KHDRBS2: variants seen among roughly 807,000 people sequenced by gnomAD.
KHDRBS2 encodes KH domain-containing, RNA-binding, signal transduction-associated protein 2.
Under a neutral mutation model 44.3 loss-of-function variants are expected in KHDRBS2, and 26 were observed. The observed-to-expected ratio is 0.59, with a 90% confidence interval of 0.43 to 0.81. KHDRBS2 has a LOEUF of 0.81. KHDRBS2 is among the 40% of genes least tolerant of loss of function. The probability of loss-of-function intolerance (pLI) is 0.00; values close to 1 mark genes in which losing one functional copy is unlikely to be tolerated. For synonymous variants in KHDRBS2, 194 were observed against 151.1 expected (o/e 1.28, Z -2.08); for missense variants, 476 against 433.1 (o/e 1.10, Z -0.88).
chr6:62,281,275 G>A (rs1406300829), intron 1 of KHDRBS2, among the ~76,000 whole-genome samples: 1 of 152,076 alleles, frequency 6.6e-6, no homozygotes, highest in African/African-American at 2.4e-5. Context: ...TCAAATTGAG[G>A]TGCATCATCA....
intron 7 of KHDRBS2, among the ~76,000 whole-genome samples, chr6:61,704,970 T>C (rs1450901602): frequency 1.3e-5 from 2 of 151,892 alleles, no homozygotes; most frequent in Non-Finnish European, 2.9e-5. Context: ...TCTCAGGTCA[T>C]TAGATGCTAC....
the KHDRBS2 span, among the ~76,000 whole-genome samples, chr6:61,579,149 C>T: frequency 6.6e-6 from 1 of 152,092 alleles, no homozygotes; most frequent in Non-Finnish European, 1.5e-5. Context: ...ATAGAAACCT[C>T]CCTCCTTTGC....
chr6:61,559,584 T>C, the KHDRBS2 span, among the ~76,000 whole-genome samples: 1 of 152,198 alleles, frequency 6.6e-6, no homozygotes, highest in Non-Finnish European at 1.5e-5. Context: ...ATTGGATGTT[T>C]TTTCATTTGA....
chr6:62,117,988 C>A (rs1806683455), intron 2 of KHDRBS2, among the ~76,000 whole-genome samples: 1 of 152,132 alleles, frequency 6.6e-6, no homozygotes, highest in Non-Finnish European at 1.5e-5. Context: ...GTTGGCCACG[C>A]TGGTCTTGAA....
chr6:62,210,221 C>T (rs1828786964), intron 1 of KHDRBS2, among the ~76,000 whole-genome samples: 1 of 151,920 alleles, frequency 6.6e-6, no homozygotes, highest in Non-Finnish European at 1.5e-5. Flanking sequence ...AGAAGATGTT[C>T]CTCAGAACTC....
chr6:62,136,636 AAC>A (rs1485537774), intron 2 of KHDRBS2, among the ~76,000 whole-genome samples: 1 of 152,220 alleles, frequency 6.6e-6, no homozygotes, highest in East Asian at 1.9e-4. Flanking sequence ...CTATGAAAAT[AAC>A]ACAAGAAAAT....
chr6:62,221,078 C>A (rs1830817344), intron 1 of KHDRBS2, among the ~76,000 whole-genome samples: 2 of 149,990 alleles, frequency 1.3e-5, no homozygotes, highest in Admixed American at 6.7e-5. Flanking sequence ...TCCACTGACA[C>A]ATAAAGGAAC....
intron 3 of KHDRBS2, among the ~76,000 whole-genome samples, chr6:62,014,779 C>T (rs1236928426): frequency 6.6e-6 from 1 of 152,048 alleles, no homozygotes; most frequent in South Asian, 2.1e-4. Context: ...TCATACAGCA[C>T]ATGAAATATT....
At chr6:62,187,529 T>A (rs929771194) in intron 1 of KHDRBS2, among the ~76,000 whole-genome samples, 2 of 152,156 alleles carry the variant, frequency 1.3e-5, no homozygotes, top group East Asian at 3.9e-4. Flanking sequence ...GTTTTACTAA[T>A]GTAAGTTTAT....
intron 1 of KHDRBS2, among the ~76,000 whole-genome samples, chr6:62,244,297 A>C (rs2150169829): frequency 6.6e-6 from 1 of 152,282 alleles, no homozygotes; most frequent in South Asian, 2.1e-4. Flanking sequence ...AAATATCATA[A>C]GTTCCATGAA....
chr6:61,880,426 C>T (rs1450069048), intron 6 of KHDRBS2, among the ~76,000 whole-genome samples: 1 of 151,790 alleles, frequency 6.6e-6, no homozygotes, highest in Non-Finnish European at 1.5e-5. Context: ...ATGAAACAAT[C>T]ATATTCTGTT....
chr6:61,935,720 G>A (rs1244256805), intron 4 of KHDRBS2, among the ~76,000 whole-genome samples: 1 of 152,068 alleles, frequency 6.6e-6, no homozygotes, highest in African/African-American at 2.4e-5. Flanking sequence ...AGACAATTTA[G>A]TGCAATCTAC....
At chr6:62,262,042 T>C (rs1838432758) in intron 1 of KHDRBS2, among the ~76,000 whole-genome samples, 1 of 151,730 alleles carries the variant, frequency 6.6e-6, no homozygotes, top group South Asian at 2.1e-4. Flanking sequence ...TGAGTTATTT[T>C]TTTGGATTTA....
chr6:61,612,491 A>G, the KHDRBS2 span, among the ~76,000 whole-genome samples: 1 of 152,340 alleles, frequency 6.6e-6, no homozygotes, highest in Non-Finnish European at 1.5e-5. Flanking sequence ...TCTTAACTTT[A>G]AAATGGTTAT....
At chr6:62,252,480 T>C (rs1332626719) in intron 1 of KHDRBS2, among the ~76,000 whole-genome samples, 1 of 151,954 alleles carries the variant, frequency 6.6e-6, no homozygotes, top group Admixed American at 6.6e-5. Flanking sequence ...ATTATAGATA[T>C]TGGATTTTTT....
chr6:61,870,686 G>T (rs539498644), intron 6 of KHDRBS2, among the ~76,000 whole-genome samples: 2 of 152,302 alleles, frequency 1.3e-5, no homozygotes, highest in East Asian at 3.9e-4. Context: ...AGAACAGGCA[G>T]CAATTTTTGC....
rs142296821 is a variant in KHDRBS2 at position 61,835,996 on chromosome 6, G to A, written c.810+58639C>T. ...AACATTGTGAACAGCTTAATACACCGTCTATGTCAACCTGCTCTCCTTAAA... is the reference window on the plus strand; with the variant it reads ...AACATTGTGAACAGCTTAATACACCATCTATGTCAACCTGCTCTCCTTAAA... On this transcript the variant is annotated intron_variant, in intron 6 of 8. Transcript: ENST00000281156. Among the ~76,000 whole-genome samples, 75 of 151,934 alleles carry A rather than the reference G, an allele frequency of 4.9e-4. No individual in the cohort carries two copies. The East Asian group carries it at 0.013, about 27-fold the overall frequency.
intron 6 of KHDRBS2, among the ~76,000 whole-genome samples, chr6:61,788,819 A>G: frequency 6.6e-6 from 1 of 151,306 alleles, no homozygotes; most frequent in Middle Eastern, 3.4e-3. Flanking sequence ...GATTATATTT[A>G]TAAATATTAT....
chr6:62,040,687 C>T (rs1357522608), intron 3 of KHDRBS2, among the ~76,000 whole-genome samples: 1 of 152,104 alleles, frequency 6.6e-6, no homozygotes, highest in African/African-American at 2.4e-5. Flanking sequence ...GTAATTTTGG[C>T]TTTCTTCACA....
Sources: gnomAD v4.1 joint callset for allele counts (sites outside exome capture counted in the v4.1 genomes callset) on GRCh38, gnomAD v4.1.1 for gene constraint, MANE v1.5 for transcripts, NCBI Gene and HGNC (gene_info 2026-07-23, HGNC 2026-07-21) for gene names.